Variants in PCDHGA6 observed in about 807,000 individuals in gnomAD.
PCDHGA6 encodes the protein protocadherin gamma subfamily A, 6.
Under a neutral mutation model 60.6 loss-of-function variants are expected in PCDHGA6, and 41 were observed. The observed-to-expected ratio is 0.68, with a 90% CI of 0.53 to 0.88. The LOEUF is 0.88. Ranked by LOEUF, PCDHGA6 falls within the 40% of genes least tolerant of loss-of-function variation. The pLI, the probability that PCDHGA6 is intolerant of heterozygous loss-of-function variation, is 0.00. For missense variants in PCDHGA6, 1,312 were observed against 1,203.0 expected (o/e 1.09, Z -1.34); for synonymous variants, 594 against 524.4 (o/e 1.13, Z -1.81).
chr5:141,414,791 G>A (rs375736950), intron 1 of PCDHGA6: 43 of 1,614,120 alleles, frequency 2.7e-5, no homozygotes, highest in Non-Finnish European at 3.3e-5. Context: ...GTGACAGCCA[G>A]CGACAGCGGG....
rs764482722 is a variant in PCDHGA6 at position 141,432,066 on chromosome 5, C to T, written c.2424+55559C>T. 62 of 1,614,062 alleles carry T rather than the reference C, an allele frequency of 3.8e-5. No individual in the cohort carries two copies. The highest frequency in any genetic ancestry group is 5.2e-5 in the Non-Finnish European group (61 of 1,180,046). On this transcript the variant is annotated intron_variant, in intron 1 of 3. Coordinates refer to ENST00000517434, the MANE Select transcript of PCDHGA6 (RefSeq NM_018919.3). The surrounding 1 kb of genome is among the most constrained non-coding windows in gnomAD (Gnocchi z 6.0). ...GGAACCCCGCCCCTATCCACGGAAA[C>T]TCATATCTCGCTGAACGTGGCAGAC...
rs770419617 is a variant in PCDHGA6, at chr5:141,421,523, C to T, written c.2424+45016C>T. The T allele has an allele frequency of 2.5e-6, 4 of 1,614,034 alleles. No homozygotes were observed. In the Admixed American group the frequency reaches 5.0e-5, roughly 20 times the overall value. ...ATAGACCGGGAGGAGCTCTGTGAGA[C>T]GGTGTCCTCCTGTTTTTTAAATATG... On this transcript the variant is annotated intron_variant, in intron 1 of 3. Transcript: ENST00000517434.
Position 141,388,997 on chromosome 5 carries a change from C to G in PCDHGA6, c.2424+12490C>G. On this transcript the variant is annotated intron_variant, in intron 1 of 3. Transcript: ENST00000517434. ...ATATTGCTTTGCTCAAAGTCCGTGA[C>G]AAGGATTCCAGACACAATGGAGAAG... The G allele has an allele frequency of 1.9e-6, 3 of 1,613,968 alleles. No individual in the cohort carries two copies. The highest frequency in any genetic ancestry group is 2.5e-6 in the Non-Finnish European group (3 of 1,179,880).
chr5:141,445,608 C>T (rs2098472204), intron 1 of PCDHGA6, among the ~76,000 whole-genome samples: 1 of 152,108 alleles, frequency 6.6e-6, no homozygotes, highest in South Asian at 2.1e-4. Context: ...TCAAGGAAGG[C>T]TTTCTTTTTT....
At chr5:141,408,836 T>G in intron 1 of PCDHGA6, 1 of 1,613,680 alleles carries the variant, frequency 6.2e-7, no homozygotes, top group Non-Finnish European at 8.5e-7. Context: ...TAGCTTGATA[T>G]TGACTGCCTT....
chr5:141,385,687 C>T, intron 1 of PCDHGA6: 1 of 334,978 alleles, frequency 3.0e-6, no homozygotes, highest in Non-Finnish European at 4.4e-6. Context: ...GCTGTCTTCT[C>T]AGGATTCTCT....
chr5:141,478,514 G>A, intron 1 of PCDHGA6: 2 of 1,611,534 alleles, frequency 1.2e-6, no homozygotes, highest in Non-Finnish European at 1.7e-6. Context: ...CTATAGGCAG[G>A]TGTTGGGTGC....
In PCDHGA6 at chr5:141,476,529, A is replaced by G. The variant is rs752442904; in HGVS notation, c.2425-18278A>G. On this transcript the variant is annotated intron_variant, in intron 1 of 3. Coordinates refer to ENST00000517434, the MANE Select transcript of PCDHGA6 (RefSeq NM_018919.3). The surrounding 1 kb of genome is among the most constrained non-coding windows in gnomAD (Gnocchi z 7.6). ...GACAACAATCCTGCTTTCCCTACCCAGGAAATGAAATTGGAGATTAGCGAG... is the reference window on the plus strand; with the variant it reads ...GACAACAATCCTGCTTTCCCTACCCGGGAAATGAAATTGGAGATTAGCGAG... 2.8e-5 allele frequency: 46 copies of G among 1,614,198 alleles called. No individual in the cohort carries two copies. Among genetic ancestry groups the G allele is most frequent in the Non-Finnish European group, 3.8e-5 (45 of 1,180,044 alleles).
intron 3 of PCDHGA6, among the ~76,000 whole-genome samples, chr5:141,509,422 G>A (rs1181133903): frequency 3.3e-5 from 5 of 152,136 alleles, no homozygotes; most frequent in Non-Finnish European, 5.9e-5. Flanking sequence ...GCCCCAATGA[G>A]TCAAACTCTT....
At chr5:141,419,029 T>C in intron 1 of PCDHGA6, 1 of 1,613,886 alleles carries the variant, frequency 6.2e-7, no homozygotes, top group Non-Finnish European at 8.5e-7. Flanking sequence ...GTAGAGGTGT[T>C]CCATTTAAGA....
In PCDHGA6 at chr5:141,374,269, C is replaced by G; in HGVS notation, c.186C>G (p.His62Gln). ...TGGAGCCCCAGGAGTTGGCGGAGCACGGAGTCCGCATCGTCTCCAGAGGTA... is the reference window on the plus strand; with the variant it reads ...TGGAGCCCCAGGAGTTGGCGGAGCAGGGAGTCCGCATCGTCTCCAGAGGTA... The part of the protein sequence containing the change: ...LGLEPQELAE[H>Q]GVRIVSRGRM... The change falls in exon 1 of 4, where the codon CAC (histidine) becomes CAG (glutamine). Residue 62 changes from histidine (H) to glutamine (Q), a missense_variant. By Grantham distance (24) the His-to-Gln change is conservative (BLOSUM62 0). Transcript: ENST00000517434. 1.2e-6 allele frequency: 2 copies of G among 1,614,002 alleles called. No individual in the cohort carries two copies.
chr5:141,432,191 G>C lies in PCDHGA6; in HGVS notation c.2424+55684G>C. 2.5e-6 allele frequency: 4 copies of C among 1,614,110 alleles called. No individual in the cohort carries two copies. Among genetic ancestry groups the C allele is most frequent in the Non-Finnish European group, 3.4e-6 (4 of 1,180,026 alleles). On this transcript the variant is annotated intron_variant, in intron 1 of 3. Coordinates refer to ENST00000517434, the MANE Select transcript of PCDHGA6 (RefSeq NM_018919.3). The surrounding 1 kb of genome is among the most constrained non-coding windows in gnomAD (Gnocchi z 6.0). ...TTCCCTCGTCTCTGTGACCGCCCAC[G>C]ACCCCGACTGTGAAGAGAACGCCCA... is the stretch of plus-strand genomic sequence containing the variant.
intron 1 of PCDHGA6, among the ~76,000 whole-genome samples, chr5:141,437,505 A>G (rs1429147239): frequency 6.6e-6 from 1 of 152,204 alleles, no homozygotes; most frequent in Non-Finnish European, 1.5e-5. Context: ...TTTTCAATGA[A>G]TTATAAGGCT....
chr5:141,388,336 G>C, intron 1 of PCDHGA6: 2 of 1,613,966 alleles, frequency 1.2e-6, no homozygotes, highest in South Asian at 1.1e-5. Context: ...CCTGGCACAC[G>C]ATTTATATTA....
intron 2 of PCDHGA6, among the ~76,000 whole-genome samples, chr5:141,497,332 A>G (rs537994715): frequency 6.6e-6 from 1 of 152,024 alleles, no homozygotes; most frequent in Non-Finnish European, 1.5e-5. Context: ...AGAATTCACC[A>G]TTGAACCTGG....
Position 141,491,498 on chromosome 5 carries a change from C to G in PCDHGA6, c.2425-3309C>G. Reference sequence around the variant, plus strand: ...TCCAGCCCCAACCTGCAGGTGAGCTCGGACGGCACGCTCAAGTACATGGAG... The same window carrying G: ...TCCAGCCCCAACCTGCAGGTGAGCTGGGACGGCACGCTCAAGTACATGGAG... On this transcript the variant is annotated intron_variant, in intron 1 of 3. Transcript: ENST00000517434. The surrounding 1 kb of genome is among the most constrained non-coding windows in gnomAD (Gnocchi z 6.9). The G allele has an allele frequency of 6.2e-7, 1 of 1,614,102 alleles. No homozygotes were observed. Among genetic ancestry groups the G allele is most frequent in the Non-Finnish European group, 8.5e-7 (1 of 1,180,018 alleles).
rs775705715 is a variant in PCDHGA6 at position 141,422,475 on chromosome 5, C to T, written c.2424+45968C>T. ...GCAGAGTGCTGGACAGGGAGTTGGT[C>T]CAGAGCTACAATATAACGTTGACAG... On this transcript the variant is annotated intron_variant, in intron 1 of 3. Coordinates refer to ENST00000517434, the MANE Select transcript of PCDHGA6 (RefSeq NM_018919.3). The T allele has an allele frequency of 7.4e-6, 12 of 1,613,672 alleles. No individual in the cohort carries two copies. The East Asian group carries it at 2.0e-4, about 27-fold the overall frequency.
intron 1 of PCDHGA6, among the ~76,000 whole-genome samples, chr5:141,468,246 A>G (rs2099161183): frequency 6.7e-6 from 1 of 149,754 alleles, no homozygotes; most frequent in South Asian, 2.1e-4. Context: ...AATTGCCTGA[A>G]CCTGGGAGGC....
At chr5:141,448,523 A>G (rs2098593853) in intron 1 of PCDHGA6, among the ~76,000 whole-genome samples, 1 of 152,166 alleles carries the variant, frequency 6.6e-6, no homozygotes, top group African/African-American at 2.4e-5. Context: ...TTTATTAAGC[A>G]TCCTGTCAGC....
Sources: gnomAD v4.1 joint callset for allele counts (sites outside exome capture counted in the v4.1 genomes callset) on GRCh38, gnomAD v4.1.1 for gene constraint, Gnocchi (gnomAD v3.1) non-coding constraint, MANE v1.5 for transcripts, NCBI Gene and HGNC (gene_info 2026-07-23, HGNC 2026-07-21) for gene names.